STARD13: variants seen among roughly 807,000 people sequenced by gnomAD.
The protein encoded by STARD13 is stAR-related lipid transfer protein 13.
Under a neutral mutation model 106.4 loss-of-function variants are expected in STARD13, and 62 were observed. The ratio of observed to expected loss-of-function variants is 0.58; its 90% CI spans 0.48 to 0.72. The LOEUF (loss-of-function observed/expected upper bound fraction) is 0.72. Among genes scored for constraint, STARD13 ranks in the 30% least tolerant of loss-of-function variants. The probability of loss-of-function intolerance (pLI) is 0.00; values close to 1 mark genes in which losing one functional copy is unlikely to be tolerated. For synonymous variants in STARD13, 565 were observed against 553.0 expected (o/e 1.02, Z -0.31); for missense variants, 1,387 against 1,424.0 (o/e 0.97, Z 0.42).
At chr13:33,582,096 C>G in the STARD13 span, among the ~76,000 whole-genome samples, 1 of 152,016 alleles carries the variant, frequency 6.6e-6, no homozygotes, top group Non-Finnish European at 1.5e-5. Context: ...GTGGTGGGTG[C>G]CTGTAGTCCC....
At chr13:33,325,391 A>G (rs182506692) in intron 1 of STARD13, among the ~76,000 whole-genome samples, 2 of 152,332 alleles carry the variant, frequency 1.3e-5, no homozygotes, top group East Asian at 3.9e-4. Flanking sequence ...TCTCCTGATT[A>G]TTCTATACAC....
intron 12 of STARD13, among the ~76,000 whole-genome samples, chr13:33,108,332 G>T (rs1357312533): frequency 6.6e-6 from 1 of 152,126 alleles, no homozygotes; most frequent in Non-Finnish European, 1.5e-5. Flanking sequence ...CTGTTGTTGG[G>T]AACCAGATCT....
intron 1 of STARD13, among the ~76,000 whole-genome samples, chr13:33,279,265 C>A (rs1360517032): frequency 6.6e-6 from 1 of 152,126 alleles, no homozygotes; most frequent in Non-Finnish European, 1.5e-5. Flanking sequence ...TCAATTGATA[C>A]TATTAAGACC....
At chr13:33,418,286 C>G in the STARD13 span, among the ~76,000 whole-genome samples, 1 of 152,354 alleles carries the variant, frequency 6.6e-6, no homozygotes, top group African/African-American at 2.4e-5. Flanking sequence ...AGGAGATTCT[C>G]TCCCATGCCT....
At chr13:33,281,902 C>A (rs530751222) in intron 1 of STARD13, among the ~76,000 whole-genome samples, 1 of 152,076 alleles carries the variant, frequency 6.6e-6, no homozygotes, top group African/African-American at 2.4e-5. Flanking sequence ...AGATGGATGG[C>A]GGTGATGGTT....
chr13:33,265,459 C>T (rs1311083156), intron 1 of STARD13, among the ~76,000 whole-genome samples: 1 of 152,082 alleles, frequency 6.6e-6, no homozygotes, highest in Non-Finnish European at 1.5e-5. Flanking sequence ...ACAAATTAAT[C>T]TTGGGGTTTA....
intron 1 of STARD13, among the ~76,000 whole-genome samples, chr13:33,214,133 T>G (rs1351819240): frequency 2.0e-5 from 3 of 152,256 alleles, no homozygotes; most frequent in African/African-American, 7.2e-5. Flanking sequence ...GCATCTCTTT[T>G]AAAGTTCACT....
At chr13:33,274,162 G>A (rs1891301057) in intron 1 of STARD13, 1 of 151,180 alleles carries the variant, frequency 6.6e-6, no homozygotes, top group African/African-American at 2.4e-5. Context: ...GGGCTGAATT[G>A]CATCTCCTCA....
At chr13:33,137,946 G>A (rs1410387872) in intron 4 of STARD13, among the ~76,000 whole-genome samples, 1 of 152,182 alleles carries the variant, frequency 6.6e-6, no homozygotes, top group Non-Finnish European at 1.5e-5. Flanking sequence ...GGGGGGCCAG[G>A]CCCCTTGTCA....
At chr13:33,509,177 A>G in the STARD13 span, among the ~76,000 whole-genome samples, 1 of 152,268 alleles carries the variant, frequency 6.6e-6, no homozygotes, top group South Asian at 2.1e-4. Context: ...GTTGTTGGCT[A>G]CTTCTTTTGG....
At chr13:33,618,791 T>C in the STARD13 span, among the ~76,000 whole-genome samples, 3 of 152,068 alleles carry the variant, frequency 2.0e-5, no homozygotes, top group African/African-American at 7.2e-5. Context: ...TGCAGGGAGA[T>C]AGAGCCCAAG....
At chr13:33,286,010 A>G (rs1892045348), upstream of STARD13, among the ~76,000 whole-genome samples, 1 of 152,010 alleles carries the variant, frequency 6.6e-6, no homozygotes, top group African/African-American at 2.4e-5. Flanking sequence ...AGAAAAAGAG[A>G]GAGGGAAGGG....
At chr13:33,429,875 ATAACC>A in the STARD13 span, among the ~76,000 whole-genome samples, 2 of 151,510 alleles carry the variant, frequency 1.3e-5, no homozygotes, top group African/African-American at 4.9e-5. Flanking sequence ...GTGTGCCATA[ATAACC>A]TAATTGTATA....
the STARD13 span, among the ~76,000 whole-genome samples, chr13:33,568,305 G>A: frequency 6.8e-6 from 1 of 147,804 alleles, no homozygotes; most frequent in Non-Finnish European, 1.5e-5. Context: ...ACCTGGAATC[G>A]ACTTCAGAAA....
the STARD13 span, among the ~76,000 whole-genome samples, chr13:33,478,912 T>C: frequency 6.6e-6 from 1 of 152,124 alleles, no homozygotes; most frequent in African/African-American, 2.4e-5. Flanking sequence ...GAAGACCCTG[T>C]CTCAAATAAT....
At chr13:33,383,293 G>A in the STARD13 span, among the ~76,000 whole-genome samples, 1 of 152,162 alleles carries the variant, frequency 6.6e-6, no homozygotes, top group Non-Finnish European at 1.5e-5. Context: ...AGCACTTTGG[G>A]AGTCCCAGGC....
the STARD13 span, among the ~76,000 whole-genome samples, chr13:33,635,542 C>T: frequency 0.03 from 4,569 of 151,864 alleles, 217 homozygotes; most frequent in African/African-American, 0.1. Context: ...CGCCTGTAGT[C>T]CCAGCTACTC....
At position 33,106,916 on chromosome 13, in the gene STARD13, C is replaced by A. The variant is rs776791509; in HGVS notation, c.3066G>T (p.Leu1022Phe). 6.2e-7 allele frequency: 1 copy of A among 1,612,974 alleles called. No homozygotes were observed. Among genetic ancestry groups the A allele is most frequent in the Non-Finnish European group, 8.5e-7 (1 of 1,179,406 alleles). ...ACACCAGGGTACACATTCCTTTGGG[C>A]AAATCAGTTTTCCAGGTCCTGTAGC... ...FVVLRTWKTDLPKGMCTLVSL... is the reference protein window; with the variant it reads ...FVVLRTWKTDFPKGMCTLVSL... Residue 1022 changes from leucine (L) to phenylalanine (F), a missense_variant, in exon 13 of 14, where the codon TTG becomes TTT. Physicochemically the swap from Leu to Phe is conservative, Grantham distance 22 (BLOSUM62 0). Coordinates refer to ENST00000336934, the MANE Select transcript of STARD13 (RefSeq NM_178006.4).
rs147436651 is a variant in STARD13 at position 33,296,016 on chromosome 13, T to G, written c.124+54274A>C. Among the ~76,000 whole-genome samples the G allele has an allele frequency of 4.8e-3, 719 of 150,760 alleles. 8 individuals are homozygous for G. The highest frequency in any genetic ancestry group is 0.016 in the African/African-American group (643 of 40,972). ...CACCTGAGGTCAGGTAGGTCAGGAGTTCAAGACCAGCCTGGCCAACATGGC... is the reference window on the plus strand; with the variant it reads ...CACCTGAGGTCAGGTAGGTCAGGAGGTCAAGACCAGCCTGGCCAACATGGC... On this transcript the variant is annotated intron_variant, in intron 1 of 5. Transcript: ENST00000567873.
Sources: gnomAD v4.1 joint callset for allele counts (sites outside exome capture counted in the v4.1 genomes callset) on GRCh38, gnomAD v4.1.1 for gene constraint, MANE v1.5 for transcripts, NCBI Gene and HGNC (gene_info 2026-07-23, HGNC 2026-07-21) for gene names.